Variants in ALDH9A1 observed in about 807,000 individuals in gnomAD.
ALDH9A1 encodes aldehyde dehydrogenase 9 family member A1.
Under a neutral mutation model 56.6 loss-of-function variants are expected in ALDH9A1, and 42 were observed. The ratio of observed to expected loss-of-function variants is 0.74; its 90% CI spans 0.58 to 0.96. The LOEUF (loss-of-function observed/expected upper bound fraction) is 0.96, where lower values mean the gene tolerates loss of function less well. Ranked by LOEUF, ALDH9A1 falls within the 40% of genes least tolerant of loss-of-function variation. The pLI, the probability that ALDH9A1 is intolerant of heterozygous loss-of-function variation, is 0.00. For synonymous variants in ALDH9A1, 242 were observed against 236.0 expected, an observed-to-expected ratio of 1.03 and a Z score of -0.23; for missense variants, 661 against 651.5, an observed-to-expected ratio of 1.01 and a Z score of -0.16.
intron 7 of ALDH9A1, 100 bp from the exon 8 acceptor site, chr1:165,669,113 G>T: frequency 7.5e-7 from 1 of 1,329,200 alleles, no homozygotes; most frequent in Non-Finnish European, 1.0e-6. Flanking sequence ...AGTCTTCCCA[G>T]TGCAGGTACA....
chr1:165,687,505 G>A (rs1649748547), intron 2 of ALDH9A1, among the ~76,000 whole-genome samples: 1 of 151,952 alleles, frequency 6.6e-6, no homozygotes, highest in Admixed American at 6.6e-5. Context: ...TACATACAAA[G>A]ATACAAAAAT....
At chr1:165,681,366 C>A (rs949860483) in intron 4 of ALDH9A1, among the ~76,000 whole-genome samples, 6 of 152,162 alleles carry the variant, frequency 3.9e-5, no homozygotes, top group African/African-American at 1.2e-4. Context: ...ACATTGAAGA[C>A]CAGAATGGTT....
chr1:165,691,956 C>T (rs1649905532), intron 2 of ALDH9A1, among the ~76,000 whole-genome samples: 1 of 152,122 alleles, frequency 6.6e-6, no homozygotes, highest in Non-Finnish European at 1.5e-5. Context: ...ATAAACAGAA[C>T]CAAAGACAAA....
intron 2 of ALDH9A1, among the ~76,000 whole-genome samples, chr1:165,692,031 A>T (rs1005612381): frequency 1.3e-5 from 2 of 152,226 alleles, no homozygotes; most frequent in African/African-American, 4.8e-5. Context: ...CTTCATGCTA[A>T]AAACTCTCAA....
chr1:165,669,055 C>A (rs1249239793), intron 7 of ALDH9A1, 42 bp from the exon 8 acceptor site: 1 of 1,503,380 alleles, frequency 6.7e-7, no homozygotes, highest in Non-Finnish European at 9.1e-7. Flanking sequence ...AAAAATATAA[C>A]CCCAAAATGC....
At chr1:165,686,561 C>G (rs1383613123) in intron 2 of ALDH9A1, among the ~76,000 whole-genome samples, 1 of 149,882 alleles carries the variant, frequency 6.7e-6, no homozygotes, top group African/African-American at 2.5e-5. Flanking sequence ...AGGTATAGTT[C>G]ATGTTCCCAC....
At chr1:165,670,390 C>G (rs1649138749) in intron 6 of ALDH9A1, among the ~76,000 whole-genome samples, 1 of 151,694 alleles carries the variant, frequency 6.6e-6, no homozygotes, top group African/African-American at 2.4e-5. Flanking sequence ...TGAACCCTGA[C>G]TGCGTCACTG....
chr1:165,681,667 AGCTTATCAAAGCCTT>A (rs1372473491), intron 4 of ALDH9A1, among the ~76,000 whole-genome samples: 2 of 152,228 alleles, frequency 1.3e-5, no homozygotes, highest in Non-Finnish European at 2.9e-5. Context: ...TTTGATAAGA[AGCTTATCAAAGCCTT>A]GCTTATCATT....
intron 2 of ALDH9A1, among the ~76,000 whole-genome samples, chr1:165,693,683 A>C (rs1235883387): frequency 1.3e-5 from 2 of 152,218 alleles, no homozygotes; most frequent in Non-Finnish European, 2.9e-5. Flanking sequence ...TAGAACTAGA[A>C]ATACCATTTG....
chr1:165,672,715 T>C lies in ALDH9A1; in HGVS notation c.931-3265A>G, dbSNP rs762226260. Among the ~76,000 whole-genome samples, 6 of 152,044 alleles carry C rather than the reference T, an allele frequency of 3.9e-5. No individual in the cohort carries two copies. In the South Asian group the frequency reaches 6.2e-4, roughly 16 times the overall value. On this transcript the variant is annotated intron_variant, in intron 6 of 10. Transcript: ENST00000354775. ...ACCTTGGGAGGCTGAAGCAGGAGAA[T>C]TGCTTGAGCTCAGGAGTTCAAGACC...
intron 6 of ALDH9A1, among the ~76,000 whole-genome samples, chr1:165,674,315 T>C (rs1187215945): frequency 3.4e-5 from 2 of 58,054 alleles, no homozygotes; most frequent in Non-Finnish European, 6.4e-5. Flanking sequence ...TTCCTTTCAC[T>C]AAAAAAAAAA....
At chr1:165,679,824 C>T (rs921672124) in intron 5 of ALDH9A1, among the ~76,000 whole-genome samples, 1 of 152,116 alleles carries the variant, frequency 6.6e-6, no homozygotes, top group Non-Finnish European at 1.5e-5. Context: ...CCAGCCTGGG[C>T]AACATAGCAA....
chr1:165,689,356 T>C (rs1649809788), intron 2 of ALDH9A1, among the ~76,000 whole-genome samples: 1 of 152,208 alleles, frequency 6.6e-6, no homozygotes, highest in South Asian at 2.1e-4. Flanking sequence ...TTTAGAAATG[T>C]AAACCTCTTT....
intron 6 of ALDH9A1, among the ~76,000 whole-genome samples, chr1:165,674,506 G>T (rs1286875195): frequency 6.6e-6 from 1 of 151,628 alleles, no homozygotes; most frequent in African/African-American, 2.4e-5. Flanking sequence ...GGCCAACATG[G>T]AGAAACCCCG....
intron 9 of ALDH9A1, 60 bp from the exon 10 acceptor site, chr1:165,665,190 G>A (rs1411428726): frequency 1.5e-6 from 2 of 1,329,616 alleles, no homozygotes; most frequent in African/African-American, 2.9e-5. Flanking sequence ...TACTTTAACA[G>A]GAAAAGTTAC....
At chr1:165,676,533 G>A (rs570056438) in intron 6 of ALDH9A1, 2 of 288,380 alleles carry the variant, frequency 6.9e-6, no homozygotes, top group South Asian at 4.1e-5. Context: ...TGGCACTGCT[G>A]TAAACAAATT....
intron 2 of ALDH9A1, among the ~76,000 whole-genome samples, chr1:165,689,801 T>A (rs1649827645): frequency 6.6e-6 from 1 of 151,516 alleles, no homozygotes; most frequent in African/African-American, 2.4e-5. Flanking sequence ...AGGCGTGGTG[T>A]CATGTGCCTG....
chr1:165,668,478 T>G (rs1264216621), intron 8 of ALDH9A1, among the ~76,000 whole-genome samples: 1 of 152,154 alleles, frequency 6.6e-6, no homozygotes, highest in African/African-American at 2.4e-5. Flanking sequence ...CAGGAGGAGA[T>G]GATGGTGCCA....
chr1:165,669,199 A>C, intron 7 of ALDH9A1, 63 bp downstream of exon 7: 1 of 1,465,498 alleles, frequency 6.8e-7, no homozygotes, highest in African/African-American at 1.4e-5. Context: ...AAGGGCACAA[A>C]GCATGTGATT....
Sources: allele counts gnomAD v4.1 joint callset (sites outside exome capture counted in the v4.1 genomes callset), GRCh38; gene constraint gnomAD v4.1.1; transcripts MANE v1.5; gene names NCBI Gene and HGNC (gene_info 2026-07-23, HGNC 2026-07-21).